The following FMN2 variants were observed in gnomAD, a reference collection of about 807,000 sequenced individuals.
FMN2 encodes formin-2.
Under a neutral mutation model 142.3 loss-of-function variants are expected in FMN2, and 51 were observed. That is an observed-to-expected ratio of 0.36 (90% CI 0.29 to 0.45). FMN2 has a LOEUF of 0.45. FMN2 is among the 20% of genes least tolerant of loss of function. The probability of loss-of-function intolerance (pLI) is 1.00; values close to 1 mark genes in which losing one functional copy is unlikely to be tolerated. For synonymous variants in FMN2, 882 were observed against 869.8 expected, an observed-to-expected ratio of 1.01 and a Z score of -0.25; for missense variants, 1,936 against 2,122.8, an observed-to-expected ratio of 0.91 and a Z score of 1.73.
chr1:240,386,238 T>G (rs181987862), intron 14 of FMN2, among the ~76,000 whole-genome samples: 12 of 152,256 alleles, frequency 7.9e-5, no homozygotes, highest in African/African-American at 2.4e-4. Flanking sequence ...AATGACAACT[T>G]TAAATGAGTC....
At chr1:240,395,553 G>A (rs755926455) in intron 15 of FMN2, among the ~76,000 whole-genome samples, 2 of 152,148 alleles carry the variant, frequency 1.3e-5, no homozygotes, top group East Asian at 1.9e-4. Context: ...AAATATCAGC[G>A]TTAACAGGAG....
At chr1:240,426,931 G>C (rs958930833) in intron 15 of FMN2, among the ~76,000 whole-genome samples, 2 of 151,798 alleles carry the variant, frequency 1.3e-5, no homozygotes, top group Non-Finnish European at 2.9e-5. Flanking sequence ...TAGAGATGGG[G>C]TTTCACTATC....
At chr1:240,199,102 CT>C (rs2103368120) in intron 4 of FMN2, among the ~76,000 whole-genome samples, 1 of 142,028 alleles carries the variant, frequency 7.0e-6, no homozygotes, top group South Asian at 2.2e-4. Context: ...GAGACTCCGT[CT>C]CAAAAAACAA....
intron 7 of FMN2, among the ~76,000 whole-genome samples, chr1:240,277,857 G>A (rs1389459978): frequency 1.3e-5 from 2 of 151,912 alleles, no homozygotes; most frequent in African/African-American, 2.4e-5. Flanking sequence ...TTCTAACATT[G>A]CCTTATTTAC....
At chr1:240,263,567 T>A (rs1668699658) in intron 7 of FMN2, among the ~76,000 whole-genome samples, 1 of 152,204 alleles carries the variant, frequency 6.6e-6, no homozygotes, top group Non-Finnish European at 1.5e-5. Flanking sequence ...GTATGCGTAT[T>A]AAAGCCTCGG....
At chr1:240,407,231 G>A (rs374253788) in intron 15 of FMN2, among the ~76,000 whole-genome samples, 27 of 151,992 alleles carry the variant, frequency 1.8e-4, no homozygotes, top group Non-Finnish European at 1.9e-4. Flanking sequence ...TCCGCTGCCC[G>A]GGTTCAAGAG....
Position 240,218,962 on chromosome 1 carries a change from G to A in FMN2, c.4065+7727G>A, listed in dbSNP as rs1387033414. On this transcript the variant is annotated intron_variant, in intron 6 of 17. Coordinates refer to ENST00000319653, the MANE Select transcript of FMN2 (RefSeq NM_020066.5). The stretch of plus-strand genomic sequence containing the variant: ...GAACAGAGTATATAGGCTGGACTTG[G>A]GATAAAGGCTGTGTGGAGGAGATAT... Among the ~76,000 whole-genome samples the A allele has an allele frequency of 2.6e-5, 4 of 152,112 alleles. No homozygotes were observed. The East Asian group carries it at 7.7e-4, about 29-fold the overall frequency.
At chr1:240,140,562 G>A (rs1663137928) in intron 2 of FMN2, among the ~76,000 whole-genome samples, 1 of 148,544 alleles carries the variant, frequency 6.7e-6, no homozygotes, top group South Asian at 2.2e-4. Context: ...GGGGCCTGCT[G>A]TTTTCCTGAG....
chr1:240,269,546 T>C (rs1176503382), intron 7 of FMN2, among the ~76,000 whole-genome samples: 1 of 152,106 alleles, frequency 6.6e-6, no homozygotes, highest in Non-Finnish European at 1.5e-5. Flanking sequence ...TGGTTTCAAA[T>C]AAATTTTAGG....
intron 2 of FMN2, among the ~76,000 whole-genome samples, chr1:240,163,535 A>ATT (rs2103296695): frequency 6.6e-6 from 1 of 152,232 alleles, no homozygotes; most frequent in South Asian, 2.1e-4. Flanking sequence ...TTAGTTTAAA[A>ATT]TTTACATGTT....
intron 7 of FMN2, among the ~76,000 whole-genome samples, chr1:240,259,287 T>C (rs1353100985): frequency 6.6e-6 from 1 of 152,190 alleles, no homozygotes; most frequent in Non-Finnish European, 1.5e-5. Context: ...AATGAGAACC[T>C]TATGAACAAG....
intron 15 of FMN2, among the ~76,000 whole-genome samples, chr1:240,401,407 C>T (rs1673985333): frequency 6.6e-6 from 1 of 152,152 alleles, no homozygotes; most frequent in African/African-American, 2.4e-5. Context: ...TCCAGCCTTC[C>T]ATTTAGCCCT....
intron 4 of FMN2, among the ~76,000 whole-genome samples, chr1:240,192,787 G>T (rs1665756367): frequency 1.3e-5 from 2 of 152,046 alleles, no homozygotes; most frequent in Non-Finnish European, 2.9e-5. Flanking sequence ...TGACATTGAA[G>T]ATAGGTAACA....
Position 240,324,437 on chromosome 1 carries a change from C to A in FMN2, c.4216-4639C>A, listed in dbSNP as rs112152116. Reference sequence around the variant, plus strand: ...CTTCGGGAGCTCCAGGAAGGCGGATCACTTGAGGCTATCGAGACCAGCCTG... The same window carrying A: ...CTTCGGGAGCTCCAGGAAGGCGGATAACTTGAGGCTATCGAGACCAGCCTG... On this transcript the variant is annotated intron_variant, in intron 8 of 17. Transcript: ENST00000319653. Among the ~76,000 whole-genome samples the A allele has an allele frequency of 2.6e-3, 399 of 152,208 alleles. 1 individual carries two copies. The highest frequency in any genetic ancestry group is 9.2e-3 in the African/African-American group (383 of 41,562).
rs146532466 is a variant in FMN2 at position 240,220,873 on chromosome 1, C to G, written c.4065+9638C>G. Among the ~76,000 whole-genome samples, 886 of 152,208 alleles carry G rather than the reference C, an allele frequency of 5.8e-3. 24 individuals are homozygous for G. In the East Asian group the frequency reaches 0.092, roughly 16 times the overall value. On this transcript the variant is annotated intron_variant, in intron 6 of 17. Transcript: ENST00000319653. ...TAATGCTATCCCTCCTCCAGCCCCC[C>G]CACCCCACGACAGGCCCCGGTGTGT...
At chr1:240,180,158 C>T (rs1247735658) in intron 3 of FMN2, 3 of 1,280,464 alleles carry the variant, frequency 2.3e-6, no homozygotes, top group Admixed American at 2.4e-5. Flanking sequence ...TTTAAAAATG[C>T]ATTCTTGAAG....
chr1:240,280,537 G>T (rs1382577222), intron 7 of FMN2, among the ~76,000 whole-genome samples: 1 of 152,230 alleles, frequency 6.6e-6, no homozygotes, highest in East Asian at 1.9e-4. Flanking sequence ...CAGAGTTAGG[G>T]TTCTATTTCC....
At chr1:240,299,096 C>T (rs1190192422) in intron 8 of FMN2, among the ~76,000 whole-genome samples, 1 of 151,878 alleles carries the variant, frequency 6.6e-6, no homozygotes, top group Admixed American at 6.6e-5. Context: ...TACAGGCACC[C>T]ACCGCCACAC....
intron 15 of FMN2, among the ~76,000 whole-genome samples, chr1:240,427,277 C>T (rs1344579511): frequency 6.6e-6 from 1 of 151,550 alleles, no homozygotes; most frequent in African/African-American, 2.4e-5. Context: ...GCTATCTCGG[C>T]TCACTGCAAG....
Sources: gnomAD v4.1 joint callset for allele counts (sites outside exome capture counted in the v4.1 genomes callset) on GRCh38, gnomAD v4.1.1 for gene constraint, MANE v1.5 for transcripts, NCBI Gene and HGNC (gene_info 2026-07-23, HGNC 2026-07-21) for gene names.